Variants in GSE1 observed in about 807,000 individuals in gnomAD.
GSE1 encodes the protein genetic suppressor element 1.
GSE1 carries 32 observed loss-of-function variants against 112.6 expected under a neutral mutation model. That is an observed-to-expected ratio of 0.28 (90% CI 0.21 to 0.38). The LOEUF (loss-of-function observed/expected upper bound fraction) is 0.38, where lower values mean the gene tolerates loss of function less well. GSE1 is among the 10% of genes least tolerant of loss of function. GSE1 has a pLI of 1.00. For missense variants in GSE1, 2,348 were observed against 1,699.2 expected (o/e 1.38, Z -6.71); for synonymous variants, 1,115 against 735.6 (o/e 1.52, Z -8.35).
chr16:85,330,518 C>T lies in GSE1; in HGVS notation c.2284-26945C>T, dbSNP rs2046315137. ...TGTTCGTGGTCGCATGTTACAGCAGCCGCAGAACACAGAGACAGCCCCTCG... is the reference window on the plus strand; with the variant it reads ...TGTTCGTGGTCGCATGTTACAGCAGTCGCAGAACACAGAGACAGCCCCTCG... On this transcript the variant is annotated intron_variant, in intron 1 of 2. Coordinates refer to the GSE1 transcript ENST00000637419. 6.6e-5 allele frequency among the ~76,000 whole-genome samples: 10 copies of T among 152,346 alleles called. No homozygotes were observed. The South Asian group carries it at 2.1e-3, about 32-fold the overall frequency.
At chr16:85,490,939 G>C (rs1008131854) in intron 2 of GSE1, 2 of 152,176 alleles carry the variant, frequency 1.3e-5, no homozygotes, top group African/African-American at 4.8e-5. Context: ...GGCCAAGTCT[G>C]CTGGATGGGG....
At chr16:85,252,195 G>A (rs1299024354) in intron 1 of GSE1, among the ~76,000 whole-genome samples, 1 of 152,202 alleles carries the variant, frequency 6.6e-6, no homozygotes, top group African/African-American at 2.4e-5. Flanking sequence ...TGCTCCATGT[G>A]GTCACCCGGC....
At chr16:85,280,540 C>T (rs545983502) in intron 1 of GSE1, among the ~76,000 whole-genome samples, 4 of 152,238 alleles carry the variant, frequency 2.6e-5, no homozygotes, top group South Asian at 2.1e-4. Context: ...GGACTACAGG[C>T]GCCCGCCACC....
intron 2 of GSE1, among the ~76,000 whole-genome samples, chr16:85,442,971 C>A (rs1007285668): frequency 9.2e-5 from 14 of 152,174 alleles, no homozygotes; most frequent in Non-Finnish European, 1.8e-4. Context: ...TCACCCTGAC[C>A]CCTGGCTCCG....
At chr16:85,482,912 A>T (rs1461227180) in intron 2 of GSE1, among the ~76,000 whole-genome samples, 2 of 150,292 alleles carry the variant, frequency 1.3e-5, no homozygotes, top group Non-Finnish European at 2.9e-5. Context: ...CAGGAGGCAG[A>T]GGTTGCAGTG....
chr16:85,207,791 C>G (rs541493496), intron 1 of GSE1: 1 of 152,424 alleles, frequency 6.6e-6, no homozygotes, highest in East Asian at 1.9e-4. Context: ...GATTCACTCA[C>G]ACACCCACTC....
intron 1 of GSE1, among the ~76,000 whole-genome samples, chr16:85,570,488 C>T (rs754688564): frequency 4.6e-5 from 7 of 152,166 alleles, no homozygotes; most frequent in Non-Finnish European, 8.8e-5. Flanking sequence ...AAAGCATGTG[C>T]GGTTTTATTT....
At chr16:85,617,601 C>T (rs1256259715) in intron 1 of GSE1, among the ~76,000 whole-genome samples, 2 of 94,088 alleles carry the variant, frequency 2.1e-5, no homozygotes, top group Admixed American at 8.7e-5. Context: ...AACCCTCCCC[C>T]CCCCCCCCCC....
intron 1 of GSE1, among the ~76,000 whole-genome samples, chr16:85,287,967 C>T (rs980892642): frequency 2.0e-5 from 3 of 152,186 alleles, no homozygotes; most frequent in South Asian, 2.1e-4. Flanking sequence ...TGGCCGGGCA[C>T]GGTGGCTCAC....
intron 1 of GSE1, among the ~76,000 whole-genome samples, chr16:85,326,877 G>A (rs1029689809): frequency 4.6e-5 from 7 of 152,308 alleles, no homozygotes; most frequent in African/African-American, 1.2e-4. Flanking sequence ...CATTTCTTCC[G>A]GTTGTCTATT....
rs77652643 is a variant in GSE1, at chr16:85,619,249, C to T, written c.7+5851C>T. Among the ~76,000 whole-genome samples the T allele has an allele frequency of 9.5e-3, 1,451 of 152,354 alleles. 10 individuals are homozygous for T. Among genetic ancestry groups the T allele is most frequent in the Non-Finnish European group, 0.016 (1,078 of 68,036 alleles). ...GAGATGCTTTAACAAACTGTCCCTC[C>T]CCCAGCCCTGCCCTTCCTGCGCTCG... is the stretch of plus-strand genomic sequence containing the variant. On this transcript the variant is annotated intron_variant, in intron 1 of 15. Coordinates refer to ENST00000253458, the MANE Select transcript of GSE1 (RefSeq NM_014615.5).
chr16:85,171,838 G>C (rs985558164), intron 1 of GSE1: 1 of 962,776 alleles, frequency 1.0e-6, no homozygotes, highest in African/African-American at 1.8e-5. Context: ...CATCTTAGAC[G>C]CTTCCTCCAA....
At chr16:85,591,064 C>T (rs991298742) in intron 1 of GSE1, among the ~76,000 whole-genome samples, 12 of 152,216 alleles carry the variant, frequency 7.9e-5, no homozygotes, top group African/African-American at 2.7e-4. Context: ...TTCCTCCTTA[C>T]TCTTGTTCGT....
chr16:85,277,465 C>A (rs1055053976), intron 1 of GSE1, among the ~76,000 whole-genome samples: 1 of 152,134 alleles, frequency 6.6e-6, no homozygotes, highest in African/African-American at 2.4e-5. Flanking sequence ...GGGCACAGGG[C>A]AAGCCTGTAC....
chr16:85,658,975 T>C (rs1357410657), intron 8 of GSE1, among the ~76,000 whole-genome samples: 1 of 152,244 alleles, frequency 6.6e-6, no homozygotes, highest in Admixed American at 6.5e-5. Context: ...ACACGTGGCC[T>C]TACAGCATTG....
chr16:85,560,128 C>CTTTTTTT (rs377241566), intron 1 of GSE1, among the ~76,000 whole-genome samples: 1,468 of 99,084 alleles, frequency 0.015, no homozygotes, highest in East Asian at 0.019. Context: ...TCTTCTTCTT[C>CTTTTTTT]TTTTTTTTTT....
At chr16:85,289,294 C>A (rs2045135282) in intron 1 of GSE1, among the ~76,000 whole-genome samples, 1 of 152,092 alleles carries the variant, frequency 6.6e-6, no homozygotes, top group Admixed American at 6.5e-5. Flanking sequence ...GGGGTTTTTT[C>A]CCAGGCCCGA....
intron 1 of GSE1, among the ~76,000 whole-genome samples, chr16:85,565,426 A>G (rs71389137): frequency 6.6e-6 from 1 of 150,724 alleles, no homozygotes; most frequent in East Asian, 1.9e-4. Flanking sequence ...CAAAAAAACC[A>G]CCAACCAACC....
chr16:85,624,143 C>T (rs1478324797), intron 1 of GSE1, among the ~76,000 whole-genome samples: 4 of 152,202 alleles, frequency 2.6e-5, no homozygotes, highest in Admixed American at 1.3e-4. Flanking sequence ...GGCCGCCACC[C>T]GCCGTCCCAC....
Sources: gnomAD v4.1 joint callset for allele counts (sites outside exome capture counted in the v4.1 genomes callset) on GRCh38, gnomAD v4.1.1 for gene constraint, MANE v1.5 for transcripts, NCBI Gene and HGNC (gene_info 2026-07-23, HGNC 2026-07-21) for gene names.